Variants in NXN observed in about 807,000 individuals in gnomAD.
NXN encodes nucleoredoxin 1.
A neutral mutation model predicts 48.6 loss-of-function variants in NXN; 16 were observed. That is an observed-to-expected ratio of 0.33 (90% confidence interval 0.22 to 0.50). The LOEUF is 0.50. Ranked by LOEUF, NXN falls within the 20% of genes least tolerant of loss-of-function variation. The pLI, the probability that NXN is intolerant of heterozygous loss-of-function variation, is 0.98. For missense variants in NXN, 492 were observed against 605.5 expected (o/e 0.81, Z 1.97); for synonymous variants, 281 against 269.6 (o/e 1.04, Z -0.41).
chr17:905,669 T>C (rs763599417), intron 1 of NXN, among the ~76,000 whole-genome samples: 1 of 152,168 alleles, frequency 6.6e-6, no homozygotes, highest in East Asian at 1.9e-4. Context: ...CTTAAATTTC[T>C]TAACAGTGAA....
intron 1 of NXN, among the ~76,000 whole-genome samples, chr17:975,608 C>G (rs1355415224): frequency 1.3e-5 from 2 of 152,140 alleles, no homozygotes; most frequent in African/African-American, 4.8e-5. Context: ...TGCAGGAAGT[C>G]CTGGGGCCAC....
intron 1 of NXN, among the ~76,000 whole-genome samples, chr17:951,765 G>C (rs3813436): frequency 0.31 from 47,694 of 152,094 alleles, 7,818 homozygotes; most frequent in East Asian, 0.41. Flanking sequence ...CCAGAGGGGC[G>C]GGCAGCAGGA....
rs912448837 is a variant in NXN at position 917,547 on chromosome 17, C to T, written c.360+61772G>A. ...CTTCTGGACCTGCTGTCCCACCCTA[C>T]GCCCATTTTTTATCTCCACCCACTC... is the stretch of plus-strand genomic sequence containing the variant. On this transcript the variant is annotated intron_variant, in intron 1 of 7. Coordinates refer to ENST00000336868, the MANE Select transcript of NXN (RefSeq NM_022463.5). This position sits in a 1 kb window ranked among gnomAD's most constrained non-coding sequence, Gnocchi z 4.5. Among the ~76,000 whole-genome samples, 3 of 152,234 alleles carry T rather than the reference C, an allele frequency of 2.0e-5. No individual in the cohort carries two copies. Among genetic ancestry groups the T allele is most frequent in the African/African-American group, 4.8e-5 (2 of 41,464 alleles).
At chr17:973,437 T>A (rs1165460819) in intron 1 of NXN, among the ~76,000 whole-genome samples, 1 of 152,180 alleles carries the variant, frequency 6.6e-6, no homozygotes, top group Non-Finnish European at 1.5e-5. Flanking sequence ...GTGCGTAATT[T>A]CTCTCAAGAA....
intron 1 of NXN, among the ~76,000 whole-genome samples, chr17:861,720 G>A (rs925289084): frequency 6.6e-6 from 1 of 151,424 alleles, no homozygotes; most frequent in South Asian, 2.1e-4. Context: ...TTTGGGATAC[G>A]GTAAAAAATA....
In NXN at chr17:943,484, A is replaced by C. The variant is rs186278458; in HGVS notation, c.360+35835T>G. Among the ~76,000 whole-genome samples, 13 of 152,082 alleles carry C rather than the reference A, an allele frequency of 8.5e-5. No individual in the cohort carries two copies. The East Asian group carries it at 1.4e-3, about 16-fold the overall frequency. On this transcript the variant is annotated intron_variant, in intron 1 of 7. Transcript: ENST00000336868. ...TTACTCTGCCCAGCCTTGAGATCCC[A>C]AAAAAAAGTAACATCTGGTCATTAA...
Position 801,148 on chromosome 17 carries a change from GGAGA to G in NXN, c.1126-21_1126-18del. 1 of 1,504,746 alleles carries G rather than the reference GGAGA, an allele frequency of 6.6e-7. No individual in the cohort carries two copies. The highest frequency in any genetic ancestry group is 8.9e-7 in the Non-Finnish European group (1 of 1,124,116). 93.2% of individuals were successfully genotyped at this position (1,504,746 alleles called of 1,614,324 possible). A position where few individuals can be genotyped will look rare whatever the true frequency, so the allele number is the denominator to read the frequency against. On this transcript the variant is annotated intron_variant, in intron 7 of 7. Transcript: ENST00000336868. ...CATGTCATCCTGAAGCCGTCAGGAG[GGAGA>G]GAAAACCAAGAAGTTTTAAAGAAAG...
chr17:823,914 A>G, intron 2 of NXN, 149 bp from the exon 3 acceptor site: 1 of 689,896 alleles, frequency 1.4e-6, no homozygotes, highest in Non-Finnish European at 2.4e-6. Flanking sequence ...ATCATCAAAC[A>G]GTACTTGTCA....
intron 1 of NXN, chr17:959,148 C>A: frequency 3.7e-6 from 2 of 543,546 alleles, no homozygotes; most frequent in South Asian, 4.1e-5. Flanking sequence ...AAGAGCCGAG[C>A]GCCCCTACGG....
intron 1 of NXN, among the ~76,000 whole-genome samples, chr17:847,168 T>C (rs542410889): frequency 2.0e-5 from 3 of 151,982 alleles, no homozygotes; most frequent in African/African-American, 7.2e-5. Flanking sequence ...GCGGAGCCAC[T>C]AGCACTCGGC....
At chr17:838,276 T>C (rs1391805839) in intron 1 of NXN, among the ~76,000 whole-genome samples, 1 of 151,780 alleles carries the variant, frequency 6.6e-6, no homozygotes, top group Non-Finnish European at 1.5e-5. Context: ...GGATTACAGG[T>C]GCCCACCACC....
chr17:886,515 G>A (rs563510513), intron 1 of NXN, among the ~76,000 whole-genome samples: 17 of 152,302 alleles, frequency 1.1e-4, no homozygotes, highest in South Asian at 8.3e-4. Context: ...GGTGGCTCAC[G>A]CCAGGAATCC....
intron 1 of NXN, among the ~76,000 whole-genome samples, chr17:853,723 A>ATATATATATATATT (rs1491528474): frequency 5.5e-4 from 58 of 105,958 alleles, no homozygotes; most frequent in Non-Finnish European, 8.3e-4. Context: ...ATATATATAT[A>ATATATATATATATT]TTTTTTTTTT....
At chr17:928,700 G>A (rs1259658050) in intron 1 of NXN, among the ~76,000 whole-genome samples, 2 of 152,156 alleles carry the variant, frequency 1.3e-5, no homozygotes, top group Non-Finnish European at 2.9e-5. Flanking sequence ...GCCGGGCGTG[G>A]TGGTGGGCAC....
chr17:910,042 A>C (rs1325150341), intron 1 of NXN: 1 of 152,240 alleles, frequency 6.6e-6, no homozygotes, highest in Non-Finnish European at 1.5e-5. Flanking sequence ...AACAATCTTA[A>C]ATCTCCTAAA....
intron 1 of NXN, among the ~76,000 whole-genome samples, chr17:942,987 T>A (rs1264847359): frequency 7.7e-6 from 1 of 129,044 alleles, no homozygotes; most frequent in Non-Finnish European, 1.6e-5. Context: ...AGCCATGAAC[T>A]CACATCACAC....
At chr17:923,197 GC>G (rs2068765816) in intron 1 of NXN, among the ~76,000 whole-genome samples, 1 of 152,090 alleles carries the variant, frequency 6.6e-6, no homozygotes, top group African/African-American at 2.4e-5. Flanking sequence ...ACTTTGGGAG[GC>G]CAAGGCAGGA....
intron 5 of NXN, among the ~76,000 whole-genome samples, chr17:810,297 A>T (rs1392130003): frequency 0.016 from 1,546 of 98,644 alleles, 52 homozygotes; most frequent in African/African-American, 0.051. Flanking sequence ...CGTGCACGTT[A>T]CGAGTCTGTG....
intron 1 of NXN, among the ~76,000 whole-genome samples, chr17:841,454 A>ATGGAG: frequency 7.6e-6 from 1 of 131,186 alleles, no homozygotes; most frequent in South Asian, 2.5e-4. Flanking sequence ...CCCCCTGACC[A>ATGGAG]CGGCGCATCT....
Sources: allele counts gnomAD v4.1 joint callset (sites outside exome capture counted in the v4.1 genomes callset), GRCh38; gene constraint gnomAD v4.1.1; non-coding constraint Gnocchi (gnomAD v3.1); transcripts MANE v1.5; gene names NCBI Gene and HGNC (gene_info 2026-07-23, HGNC 2026-07-21).